MEIS2: variants seen among roughly 807,000 people sequenced by gnomAD.
MEIS2 encodes the protein homeobox protein Meis2.
In MEIS2, 9 loss-of-function variants were observed where a neutral mutation model predicts 58.6. The observed-to-expected ratio is 0.15, with a 90% confidence interval of 0.09 to 0.27. The LOEUF (loss-of-function observed/expected upper bound fraction) is 0.27. MEIS2 is among the 10% of genes least tolerant of loss of function. MEIS2 has a pLI of 1.00. For missense variants in MEIS2, 427 were observed against 635.0 expected (o/e 0.67, Z 3.52); for synonymous variants, 221 against 228.4 (o/e 0.97, Z 0.29).
At chr15:37,006,513 A>G (rs2060928897) in intron 8 of MEIS2, among the ~76,000 whole-genome samples, 1 of 152,170 alleles carries the variant, frequency 6.6e-6, no homozygotes, top group Non-Finnish European at 1.5e-5. Flanking sequence ...TTCACCTTCA[A>G]TCTATGCAAG....
At chr15:36,933,793 T>C (rs1353822860) in intron 9 of MEIS2, among the ~76,000 whole-genome samples, 1 of 152,154 alleles carries the variant, frequency 6.6e-6, no homozygotes. Context: ...TATGCATTGG[T>C]TTACTTCTCT....
At chr15:36,954,655 A>T (rs553830092) in intron 8 of MEIS2, among the ~76,000 whole-genome samples, 1 of 152,122 alleles carries the variant, frequency 6.6e-6, no homozygotes, top group African/African-American at 2.4e-5. Context: ...TTACCTTCCT[A>T]CCCTGTAAGT....
At chr15:37,088,384 T>A (rs369132856) in intron 6 of MEIS2, among the ~76,000 whole-genome samples, 1 of 152,198 alleles carries the variant, frequency 6.6e-6, no homozygotes, top group Non-Finnish European at 1.5e-5. Context: ...GATATACTTG[T>A]ATCAACATAC....
chr15:37,035,025 C>T (rs563373359), intron 8 of MEIS2, among the ~76,000 whole-genome samples: 23 of 152,250 alleles, frequency 1.5e-4, no homozygotes, highest in Non-Finnish European at 1.0e-4. Flanking sequence ...TGAAAACACA[C>T]GTAGCTGTTT....
In MEIS2 at chr15:36,891,235, C is replaced by G. The variant is rs2055838330; in HGVS notation, c.*938G>C. On this transcript the variant is annotated 3_prime_UTR_variant, in exon 12 of 12. Coordinates refer to ENST00000561208, the MANE Select transcript of MEIS2 (RefSeq NM_170675.5). ...AATTCCACAGCAGATCTGATACTAG[C>G]AAAAACATTCTTTTTTTTTTCAATT... 6.6e-6 allele frequency: 1 copy of G among 151,694 alleles called. No homozygotes were observed. The highest frequency in any genetic ancestry group is 6.6e-5 in the Admixed American group (1 of 15,218). The allele number at this position is 151,694 out of a possible 1,614,324, so 9.4% of individuals were successfully genotyped here. A position where few individuals can be genotyped will look rare whatever the true frequency, so the allele number is the denominator to read the frequency against.
At chr15:36,983,403 A>T (rs1261557889) in intron 8 of MEIS2, among the ~76,000 whole-genome samples, 1 of 152,094 alleles carries the variant, frequency 6.6e-6, no homozygotes, top group African/African-American at 2.4e-5. Context: ...TGAAGACACT[A>T]TATTTTCCTC....
intron 10 of MEIS2, 133 bp downstream of exon 10, chr15:36,896,495 T>A (rs570905932): frequency 2.0e-4 from 125 of 628,180 alleles, no homozygotes; most frequent in Non-Finnish European, 2.4e-4. Context: ...AGTGGGATTC[T>A]GGGGACATTA....
intron 9 of MEIS2, among the ~76,000 whole-genome samples, chr15:36,904,237 C>T (rs180877603): frequency 5.9e-5 from 9 of 152,172 alleles, no homozygotes; most frequent in Admixed American, 1.3e-4. Flanking sequence ...GCTCTGACAA[C>T]TGCAACAGGG....
intron 8 of MEIS2, among the ~76,000 whole-genome samples, chr15:37,033,613 A>G (rs76575921): frequency 0.016 from 2,463 of 152,326 alleles, 69 homozygotes; most frequent in African/African-American, 0.056. Context: ...ACATGAAATA[A>G]TAATTTAGAC....
At chr15:37,090,864 A>T (rs1045367458) in intron 6 of MEIS2, among the ~76,000 whole-genome samples, 3 of 152,188 alleles carry the variant, frequency 2.0e-5, no homozygotes, top group African/African-American at 7.2e-5. Flanking sequence ...TGCTCTCAGC[A>T]TTTCATGTGC....
intron 6 of MEIS2, among the ~76,000 whole-genome samples, chr15:37,089,220 T>C (rs946307450): frequency 2.0e-5 from 3 of 152,140 alleles, no homozygotes; most frequent in African/African-American, 7.2e-5. Flanking sequence ...CACCTTACAC[T>C]AAAACATAAG....
At chr15:37,072,885 A>G (rs1045992389) in intron 7 of MEIS2, among the ~76,000 whole-genome samples, 1 of 151,982 alleles carries the variant, frequency 6.6e-6, no homozygotes, top group African/African-American at 2.4e-5. Context: ...ACTTCCACAG[A>G]TGTTTCAGAC....
intron 8 of MEIS2, among the ~76,000 whole-genome samples, chr15:36,970,297 G>T (rs371233965): frequency 1.3e-5 from 2 of 151,948 alleles, no homozygotes; most frequent in South Asian, 2.1e-4. Context: ...CCAGCTACTC[G>T]GGAGGCTGAG....
At chr15:37,080,881 A>T (rs1892113390) in intron 7 of MEIS2, among the ~76,000 whole-genome samples, 1 of 152,170 alleles carries the variant, frequency 6.6e-6, no homozygotes, top group African/African-American at 2.4e-5. Context: ...ATTTCTTAAG[A>T]TATTTTAAAA....
chr15:36,987,407 CAAAAA>C (rs71126250), intron 8 of MEIS2, among the ~76,000 whole-genome samples: 35,596 of 116,150 alleles, frequency 0.31, 5,136 homozygotes, highest in Middle Eastern at 0.49. Flanking sequence ...GACCCTGTCT[CAAAAA>C]AAAAAAAAAA....
At chr15:36,938,179 C>T (rs1049847227) in intron 9 of MEIS2, among the ~76,000 whole-genome samples, 1 of 152,108 alleles carries the variant, frequency 6.6e-6, no homozygotes, top group African/African-American at 2.4e-5. Flanking sequence ...TCCAAGCACC[C>T]GCTGTCACCA....
intron 1 of MEIS2, 121 bp from the exon 2 acceptor site, chr15:37,098,320 T>A: frequency 2.4e-6 from 3 of 1,259,490 alleles, no homozygotes; most frequent in South Asian, 2.3e-5. Context: ...GGGATAAAGA[T>A]GAGAGAGAGG....
chr15:36,959,531 C>T (rs182838501), intron 8 of MEIS2, among the ~76,000 whole-genome samples: 158 of 152,140 alleles, frequency 1.0e-3, no homozygotes, highest in Non-Finnish European at 1.8e-3. Flanking sequence ...CTTTGCATCC[C>T]CAAAATACTA....
chr15:37,099,653 T>A lies in MEIS2; in HGVS notation c.-187A>T, dbSNP rs76348970. 2 of 713,562 alleles carry A rather than the reference T, an allele frequency of 2.8e-6. No homozygotes were observed. The highest frequency in any genetic ancestry group is 4.4e-6 in the Non-Finnish European group (2 of 458,570). 44.2% of individuals were successfully genotyped at this position (713,562 alleles called of 1,614,324 possible). A position where few individuals can be genotyped will look rare whatever the true frequency, so the allele number is the denominator to read the frequency against. On this transcript the variant is annotated 5_prime_UTR_variant, in exon 1 of 12. Coordinates refer to ENST00000561208, the MANE Select transcript of MEIS2 (RefSeq NM_170675.5). ...GTCTAGACAACGAAGAATTTTTTTT[T>A]CTGTGATATTTCTTCTTTTTCTCTT...
Sources: allele counts gnomAD v4.1 joint callset (sites outside exome capture counted in the v4.1 genomes callset), GRCh38; gene constraint gnomAD v4.1.1; transcripts MANE v1.5; gene names NCBI Gene and HGNC (gene_info 2026-07-23, HGNC 2026-07-21).